GPD2: variants seen among roughly 807,000 people sequenced by gnomAD.
GPD2 encodes the protein glycerol-3-phosphate dehydrogenase 2, also known as glycerol-3-phosphate dehydrogenase, mitochondrial.
A neutral mutation model predicts 82.4 loss-of-function variants in GPD2; 54 were observed. The observed-to-expected ratio is 0.66, with a 90% CI of 0.53 to 0.82. GPD2 has a LOEUF of 0.82. GPD2 is among the 40% of genes least tolerant of loss of function. The pLI is 0.00. For missense variants in GPD2, 748 were observed against 896.2 expected (o/e 0.83, Z 2.11); for synonymous variants, 288 against 306.1 (o/e 0.94, Z 0.62).
At chr2:156,524,875 CT>C (rs2105294365) in intron 6 of GPD2, among the ~76,000 whole-genome samples, 1 of 152,204 alleles carries the variant, frequency 6.6e-6, no homozygotes, top group African/African-American at 2.4e-5. Context: ...CTGTTTACCT[CT>C]TTTTAATTTT....
chr2:156,426,683 C>T, the GPD2 span, among the ~76,000 whole-genome samples: 1 of 152,154 alleles, frequency 6.6e-6, no homozygotes, highest in African/African-American at 2.4e-5. Context: ...GAAGATTTTG[C>T]AACCCATATT....
chr2:156,531,553 G>A (rs1449424670), intron 6 of GPD2, among the ~76,000 whole-genome samples: 1 of 152,208 alleles, frequency 6.6e-6, no homozygotes, highest in African/African-American at 2.4e-5. Flanking sequence ...AGCAAAGCCG[G>A]ACCTTATCTT....
the GPD2 span, among the ~76,000 whole-genome samples, chr2:156,400,531 C>A: frequency 6.6e-6 from 1 of 152,266 alleles, no homozygotes; most frequent in Non-Finnish European, 1.5e-5. Context: ...TCCCGACGTC[C>A]AGCAGAAGTG....
At position 156,578,963 on chromosome 2, in the gene GPD2, T is replaced by G; in HGVS notation, c.1842T>G (p.Asp614Glu). Residue 614 changes from aspartate (D) to glutamate (E), a missense_variant, in exon 14 of 17, where the codon GAT becomes GAG. By Grantham distance (45) the Asp-to-Glu change is conservative (BLOSUM62 2). Around this residue, in one of 3 missense-constraint regions of GPD2, gnomAD observed 692 missense variants for 809.7 expected, o/e 0.85. Transcript: ENST00000438166. ...GYKSRSEQLT[D>E]RSEISLLPSD... ...AATCTCGATCAGAACAGTTAACAGATCGCTCTGAAATTAGCCTACTGCCTT... is the reference window on the plus strand; with the variant it reads ...AATCTCGATCAGAACAGTTAACAGAGCGCTCTGAAATTAGCCTACTGCCTT... 6.2e-7 allele frequency: 1 copy of G among 1,610,624 alleles called. No homozygotes were observed. The highest frequency in any genetic ancestry group is 8.5e-7 in the Non-Finnish European group (1 of 1,176,994).
chr2:156,519,016 G>C (rs1685297911), intron 6 of GPD2, among the ~76,000 whole-genome samples: 1 of 152,142 alleles, frequency 6.6e-6, no homozygotes. Context: ...CCATCCACTA[G>C]GGTATAGGAG....
At chr2:156,504,407 A>G (rs536879069) in intron 3 of GPD2, among the ~76,000 whole-genome samples, 26 of 151,872 alleles carry the variant, frequency 1.7e-4, no homozygotes, top group Non-Finnish European at 3.5e-4. Flanking sequence ...AAAAAAAACT[A>G]TATTATTTTT....
chr2:156,450,001 ACT>A lies in GPD2; in HGVS notation c.-9+13491_-9+13492del, dbSNP rs763225424. ...ACTCCAGCCTGGGTGACAGAGTGAG[ACT>A]CTGTCTCAAAGAGAAAAAAGCATAG... is the stretch of plus-strand genomic sequence containing the variant. On this transcript the variant is annotated intron_variant, in intron 1 of 16. Transcript: ENST00000438166. Among the ~76,000 whole-genome samples, 70 of 122,588 alleles carry A rather than the reference ACT, an allele frequency of 5.7e-4. 1 individual carries two copies. Among genetic ancestry groups the A allele is most frequent in the Middle Eastern group, 8.1e-3 (2 of 248 alleles). The allele number at this position is 122,588 out of a possible 152,430, so 80.4% of individuals were successfully genotyped here.
chr2:156,505,463 T>C (rs1684753475), intron 3 of GPD2, among the ~76,000 whole-genome samples: 1 of 152,194 alleles, frequency 6.6e-6, no homozygotes, highest in Admixed American at 6.5e-5. Context: ...CCACTCCCAC[T>C]AAATGTTCTG....
intron 3 of GPD2, among the ~76,000 whole-genome samples, chr2:156,497,839 C>T (rs1447282240): frequency 6.6e-6 from 1 of 152,132 alleles, no homozygotes; most frequent in African/African-American, 2.4e-5. Flanking sequence ...CTGTCTCCAA[C>T]CATGAAATAT....
chr2:156,461,310 A>C (rs1218319297), intron 1 of GPD2, among the ~76,000 whole-genome samples: 2 of 152,046 alleles, frequency 1.3e-5, no homozygotes, highest in Non-Finnish European at 2.9e-5. Context: ...TCTATACTGC[A>C]GCTAGGGCAT....
rs143072585 is a variant in GPD2 at position 156,537,886 on chromosome 2, G to A, written c.662-11722G>A. On this transcript the variant is annotated intron_variant, in intron 6 of 16. Coordinates refer to ENST00000438166, the MANE Select transcript of GPD2 (RefSeq NM_000408.5). Reference sequence around the variant, plus strand: ...TAGAAAAGTCTTTTTCAAGTACAAAGGGCAGAGATTATATCTGTAGGTAGT... The same window carrying A: ...TAGAAAAGTCTTTTTCAAGTACAAAAGGCAGAGATTATATCTGTAGGTAGT... Among the ~76,000 whole-genome samples, 647 of 152,300 alleles carry A rather than the reference G, an allele frequency of 4.2e-3. 1 individual carries two copies. The highest frequency in any genetic ancestry group is 0.015 in the African/African-American group (613 of 41,560).
At chr2:156,504,099 C>CTGTTTTCTAATATA (rs562906527) in intron 3 of GPD2, among the ~76,000 whole-genome samples, 121 of 140,288 alleles carry the variant, frequency 8.6e-4, no homozygotes, top group African/African-American at 3.1e-3. Context: ...TCTAATATAT[C>CTGTTTTCTAATATA]TGTTTTCTAA....
At chr2:156,515,483 T>C (rs917118556) in intron 6 of GPD2, among the ~76,000 whole-genome samples, 1 of 151,926 alleles carries the variant, frequency 6.6e-6, no homozygotes, top group African/African-American at 2.4e-5. Context: ...AGATTCTTAT[T>C]TGGAATTGTT....
chr2:156,561,310 T>G (rs1359434919), intron 9 of GPD2, among the ~76,000 whole-genome samples: 1 of 152,134 alleles, frequency 6.6e-6, no homozygotes, highest in Non-Finnish European at 1.5e-5. Flanking sequence ...CCTCCCAAAG[T>G]GCTGGGATTA....
At chr2:156,579,031 C>T in intron 14 of GPD2, 30 bp downstream of exon 14, 2 of 1,522,988 alleles carry the variant, frequency 1.3e-6, no homozygotes, top group Non-Finnish European at 1.8e-6. Context: ...ATCTATCTCT[C>T]TTTTTTTTTG....
rs371213140 is a variant in GPD2 at position 156,548,537 on chromosome 2, TTCTC to T, written c.662-1067_662-1064del. Among the ~76,000 whole-genome samples, 439 of 152,322 alleles carry T rather than the reference TTCTC, an allele frequency of 2.9e-3. 5 individuals carry two copies. The highest frequency in any genetic ancestry group is 9.4e-3 in the African/African-American group (390 of 41,554). On this transcript the variant is annotated intron_variant, in intron 6 of 16. Transcript: ENST00000438166. The stretch of plus-strand genomic sequence containing the variant: ...GGGCAGCAGAATCTTCAGTCATTGA[TTCTC>T]TCTTTATAACTTTGCCCTTTTAGCT...
At chr2:156,564,288 C>T (rs991726187) in intron 9 of GPD2, among the ~76,000 whole-genome samples, 3 of 152,144 alleles carry the variant, frequency 2.0e-5, no homozygotes, top group African/African-American at 4.8e-5. Flanking sequence ...CCTGTGGTTA[C>T]CTCATGGCTG....
Position 156,585,042 on chromosome 2 carries a change from T to G in GPD2, c.*2124T>G, listed in dbSNP as rs955856611. The G allele has an allele frequency of 3.3e-5, 5 of 151,986 alleles. No homozygotes were observed. The highest frequency in any genetic ancestry group is 7.2e-5 in the African/African-American group (3 of 41,418). 9.4% of individuals were successfully genotyped at this position (151,986 alleles called of 1,614,324 possible). On this transcript the variant is annotated 3_prime_UTR_variant, in exon 17 of 17. Coordinates refer to ENST00000438166, the MANE Select transcript of GPD2 (RefSeq NM_000408.5). ...GACAAAGAAAAGCACACTTTTCTTC[T>G]TTTGAGCATATCTGCTTTTACTTTA... is the stretch of plus-strand genomic sequence containing the variant.
chr2:156,406,274 G>A, the GPD2 span, among the ~76,000 whole-genome samples: 2 of 152,196 alleles, frequency 1.3e-5, no homozygotes, highest in Non-Finnish European at 2.9e-5. Flanking sequence ...GAATCCAGGT[G>A]TAATTCTCAG....
Sources: allele counts gnomAD v4.1 joint callset (sites outside exome capture counted in the v4.1 genomes callset), GRCh38; gene constraint gnomAD v4.1.1; regional missense constraint gnomAD v4.1.1; transcripts MANE v1.5; gene names NCBI Gene and HGNC (gene_info 2026-07-23, HGNC 2026-07-21).